STK10: variants seen among roughly 807,000 people sequenced by gnomAD.
STK10 encodes the protein serine/threonine-protein kinase 10.
Under a neutral mutation model 113.8 loss-of-function variants are expected in STK10, and 78 were observed. The observed-to-expected ratio is 0.69, with a 90% CI of 0.57 to 0.83. The LOEUF (loss-of-function observed/expected upper bound fraction) is 0.83. Among genes scored for constraint, STK10 ranks in the 40% least tolerant of loss-of-function variants. STK10 has a pLI of 0.00. For missense variants in STK10, 1,109 were observed against 1,280.1 expected (o/e 0.87, Z 2.04); for synonymous variants, 465 against 494.7 (o/e 0.94, Z 0.80).
In STK10 at chr5:172,177,968, A is replaced by AC. The variant is rs531314976; in HGVS notation, c.156+9918dup. 9.8e-5 allele frequency among the ~76,000 whole-genome samples: 15 copies of AC among 152,326 alleles called. No homozygotes were observed. In the East Asian group the frequency reaches 2.9e-3, roughly 29 times the overall value. On this transcript the variant is annotated intron_variant, in intron 1 of 18. Transcript: ENST00000176763. ...CTCAGCCTCCCAAGTAGCTGGGACT[A>AC]CAGGCATGAGCCACCACACCCAGCT...
chr5:172,136,827 CTAT>C (rs1328277240), intron 2 of STK10, among the ~76,000 whole-genome samples: 1 of 132,522 alleles, frequency 7.5e-6, no homozygotes, highest in African/African-American at 3.4e-5. Context: ...TTATTATTAT[CTAT>C]TTTTTTTTTT....
chr5:172,178,927 G>A (rs1354217883), intron 1 of STK10, among the ~76,000 whole-genome samples: 1 of 152,198 alleles, frequency 6.6e-6, no homozygotes, highest in Non-Finnish European at 1.5e-5. Context: ...CATCCAGTGG[G>A]CTGAAGCCAG....
chr5:172,161,979 T>C (rs970746570), intron 1 of STK10, among the ~76,000 whole-genome samples: 1 of 152,188 alleles, frequency 6.6e-6, no homozygotes, highest in African/African-American at 2.4e-5. Flanking sequence ...GAGCCAGTCA[T>C]TGTCCTAGAA....
chr5:172,182,235 G>A (rs1013470754), intron 1 of STK10, among the ~76,000 whole-genome samples: 13 of 150,286 alleles, frequency 8.7e-5, no homozygotes, highest in Non-Finnish European at 1.8e-4. Context: ...CCTGGAAAGC[G>A]GAGGTTGCGG....
chr5:172,150,984 C>T (rs775420966), intron 2 of STK10, among the ~76,000 whole-genome samples: 16 of 152,216 alleles, frequency 1.1e-4, no homozygotes, highest in Non-Finnish European at 2.2e-4. Flanking sequence ...AGGGCAGGCA[C>T]GTCCTGTCTC....
chr5:172,164,211 TAAAAAAA>T (rs57573746), intron 1 of STK10, among the ~76,000 whole-genome samples: 89 of 84,622 alleles, frequency 1.1e-3, no homozygotes, highest in African/African-American at 3.9e-3. Context: ...AAACTCCATC[TAAAAAAA>T]AAAAAAAAAA....
intron 13 of STK10, 52 bp downstream of exon 13, chr5:172,064,668 T>C: frequency 1.3e-6 from 2 of 1,583,982 alleles, no homozygotes. Context: ...CTGGTCACCA[T>C]TCCAGGTCTC....
chr5:172,107,541 T>G (rs1769141805), intron 5 of STK10, among the ~76,000 whole-genome samples: 1 of 152,216 alleles, frequency 6.6e-6, no homozygotes, highest in South Asian at 2.1e-4. Flanking sequence ...TGTGCACCAT[T>G]TCATTTCATT....
chr5:172,054,577 G>T lies in STK10; in HGVS notation c.2644C>A (p.Gln882Lys). The change falls in exon 17 of 19, where the codon CAG (glutamine) becomes AAG (lysine). Residue 882 changes from glutamine to lysine, a missense_variant. Gln to Lys is a moderately conservative substitution (Grantham distance 53). This residue lies in a region of STK10 where 885 missense variants were observed against 991.1 expected (regional missense o/e 0.89). Coordinates refer to ENST00000176763, the MANE Select transcript of STK10 (RefSeq NM_005990.4). ...GGCAGGCAGGGCGGTACCTGCAGCTGCTGCAGCTCGCTCATGTTGCTCTCA... is the reference window on the plus strand; with the variant it reads ...GGCAGGCAGGGCGGTACCTGCAGCTTCTGCAGCTCGCTCATGTTGCTCTCA... ...QCESNMSELQ[Q>K]LQNEKCHLLV... 6.2e-7 allele frequency: 1 copy of T among 1,606,374 alleles called. No individual in the cohort carries two copies. Among genetic ancestry groups the T allele is most frequent in the Non-Finnish European group, 8.5e-7 (1 of 1,179,552 alleles).
At chr5:172,060,882 T>G (rs1767916565) in intron 14 of STK10, among the ~76,000 whole-genome samples, 1 of 152,236 alleles carries the variant, frequency 6.6e-6, no homozygotes, top group Admixed American at 6.5e-5. Flanking sequence ...GCTCACTTAT[T>G]AACATACTCT....
In STK10 at chr5:172,043,717, G is replaced by A. The variant is rs938955440; in HGVS notation, c.*1165C>T. 6.6e-6 allele frequency: 1 copy of A among 152,196 alleles called. No individual in the cohort carries two copies. The highest frequency in any genetic ancestry group is 1.5e-5 in the Non-Finnish European group (1 of 68,042). 9.4% of individuals were successfully genotyped at this position (152,196 alleles called of 1,614,324 possible). A position where few individuals can be genotyped will look rare whatever the true frequency, so the allele number is the denominator to read the frequency against. ...CTGAGACCCCGAAGGCCCAGCAGGA[G>A]TCCATCTGAGGTACAGAACCTGTGC... On this transcript the variant is annotated 3_prime_UTR_variant, in exon 19 of 19. Transcript: ENST00000176763.
intron 7 of STK10, among the ~76,000 whole-genome samples, chr5:172,098,596 C>T (rs73801852): frequency 0.022 from 3,370 of 152,214 alleles, 137 homozygotes; most frequent in African/African-American, 0.076. Flanking sequence ...TTCACTACTA[C>T]CCTTTAGAGA....
intron 2 of STK10, among the ~76,000 whole-genome samples, chr5:172,132,391 GA>G (rs1053622956): frequency 2.0e-4 from 31 of 151,452 alleles, no homozygotes; most frequent in African/African-American, 7.5e-4. Flanking sequence ...TTAATGGAAA[GA>G]ACTGGCCTAG....
intron 1 of STK10, among the ~76,000 whole-genome samples, chr5:172,182,309 A>G (rs1238037563): frequency 1.6e-4 from 8 of 49,750 alleles, no homozygotes; most frequent in South Asian, 8.3e-4. Flanking sequence ...TCTCAGAGGG[A>G]AAAAAAAAAA....
intron 7 of STK10, among the ~76,000 whole-genome samples, chr5:172,101,753 C>T (rs1425614383): frequency 3.3e-5 from 5 of 152,104 alleles, no homozygotes; most frequent in Non-Finnish European, 7.3e-5. Context: ...TGGGGGAGGC[C>T]TCACCACAAG....
At chr5:172,164,474 AG>A (rs1438160940) in intron 1 of STK10, among the ~76,000 whole-genome samples, 1 of 152,198 alleles carries the variant, frequency 6.6e-6, no homozygotes, top group African/African-American at 2.4e-5. Flanking sequence ...TTTATATATA[AG>A]AAAACCGATG....
At chr5:172,101,997 G>A (rs1769001662) in intron 7 of STK10, among the ~76,000 whole-genome samples, 1 of 152,136 alleles carries the variant, frequency 6.6e-6, no homozygotes, top group Non-Finnish European at 1.5e-5. Context: ...AGCACTCTAA[G>A]GGGCCCTGAG....
At chr5:172,141,327 A>C (rs1299318006) in intron 2 of STK10, among the ~76,000 whole-genome samples, 1 of 152,188 alleles carries the variant, frequency 6.6e-6, no homozygotes, top group Middle Eastern at 3.2e-3. Context: ...CTGTAATCCC[A>C]GCACTTTGGG....
chr5:172,056,183 C>T (rs1024329069), intron 15 of STK10, among the ~76,000 whole-genome samples: 1 of 152,218 alleles, frequency 6.6e-6, no homozygotes, highest in Non-Finnish European at 1.5e-5. Context: ...TCAGCATGGG[C>T]ATCACCTCCT....
Sources: allele counts gnomAD v4.1 joint callset (sites outside exome capture counted in the v4.1 genomes callset), GRCh38; gene constraint gnomAD v4.1.1; regional missense constraint gnomAD v4.1.1; transcripts MANE v1.5; gene names NCBI Gene and HGNC (gene_info 2026-07-23, HGNC 2026-07-21).